Variants in GALNT2 observed in about 807,000 individuals in gnomAD.
The protein encoded by GALNT2 is UDP-GalNAc:polypeptide N-acetylgalactosaminyltransferase 2.
Under a neutral mutation model 81.4 loss-of-function variants are expected in GALNT2, and 31 were observed. That is an observed-to-expected ratio of 0.38 (90% confidence interval 0.29 to 0.51). The LOEUF (loss-of-function observed/expected upper bound fraction) is 0.51. GALNT2 is among the 20% of genes least tolerant of loss of function. The pLI, the probability that GALNT2 is intolerant of heterozygous loss-of-function variation, is 0.87. For missense variants in GALNT2, 629 were observed against 765.7 expected, an observed-to-expected ratio of 0.82 and a Z score of 2.11; for synonymous variants, 303 against 287.4, an observed-to-expected ratio of 1.05 and a Z score of -0.55.
At chr1:230,077,841 C>A (rs1018328148) in intron 1 of GALNT2, among the ~76,000 whole-genome samples, 15 of 152,364 alleles carry the variant, frequency 9.8e-5, no homozygotes, top group Middle Eastern at 3.4e-3. Flanking sequence ...GCCTTTGACT[C>A]TTCTGGGAAT....
intron 15 of GALNT2, among the ~76,000 whole-genome samples, chr1:230,276,604 T>G (rs1666314119): frequency 1.3e-5 from 2 of 152,166 alleles, no homozygotes; most frequent in Admixed American, 1.3e-4. Context: ...GGGCCCTCTT[T>G]CACCTGTCTG....
At position 230,280,860 on chromosome 1, in the gene GALNT2, C is replaced by G. The variant is rs548673225; in HGVS notation, c.*1402C>G. ...CCTTGGGGTCCTGTTAAACCACAGA[C>G]AGTTATGAACTGAAAGTCATAACGG... On this transcript the variant is annotated 3_prime_UTR_variant, in exon 16 of 16. Transcript: ENST00000366672. 5 of 152,398 alleles carry G rather than the reference C, an allele frequency of 3.3e-5. No individual in the cohort carries two copies. Among genetic ancestry groups the G allele is most frequent in the African/African-American group, 9.6e-5 (4 of 41,568 alleles). The allele number at this position is 152,398 out of a possible 1,614,324, so 9.4% of individuals were successfully genotyped here.
At chr1:230,260,356 A>G (rs1340127853) in intron 11 of GALNT2, among the ~76,000 whole-genome samples, 1 of 152,164 alleles carries the variant, frequency 6.6e-6, no homozygotes, top group Non-Finnish European at 1.5e-5. Context: ...AAATGAATAA[A>G]AGGAGCTAGC....
rs191938823 is a variant in GALNT2, at chr1:230,207,465, T to A, written c.374+4175T>A. On this transcript the variant is annotated intron_variant, in intron 3 of 15. Coordinates refer to ENST00000366672, the MANE Select transcript of GALNT2 (RefSeq NM_004481.5). Reference sequence around the variant, plus strand: ...TTATTTACCTTTCTAGATGTATATATTGTACCAAGAAGAAATATTTACATG... The same window carrying A: ...TTATTTACCTTTCTAGATGTATATAATGTACCAAGAAGAAATATTTACATG... 3.2e-4 allele frequency among the ~76,000 whole-genome samples: 48 copies of A among 152,288 alleles called. No individual in the cohort carries two copies. The South Asian group carries it at 3.9e-3, about 12-fold the overall frequency.
intron 1 of GALNT2, among the ~76,000 whole-genome samples, chr1:230,123,704 T>A (rs1030595376): frequency 2.0e-5 from 3 of 152,162 alleles, no homozygotes; most frequent in African/African-American, 7.2e-5. Context: ...AAAGGAAAAA[T>A]ATATATTTTA....
At chr1:230,079,151 GTCCTTT>G (rs1229677821) in intron 1 of GALNT2, among the ~76,000 whole-genome samples, 4 of 152,220 alleles carry the variant, frequency 2.6e-5, no homozygotes, top group African/African-American at 9.6e-5. Context: ...ATATGTGTTA[GTCCTTT>G]TGGTTCTCCC....
chr1:230,169,390 T>C (rs777976451), intron 1 of GALNT2, among the ~76,000 whole-genome samples: 2 of 152,232 alleles, frequency 1.3e-5, no homozygotes, highest in Non-Finnish European at 2.9e-5. Context: ...CCTAAGGTCA[T>C]AGAGATAGAC....
At chr1:230,244,245 C>T (rs1029315081) in intron 7 of GALNT2, among the ~76,000 whole-genome samples, 1 of 151,966 alleles carries the variant, frequency 6.6e-6, no homozygotes, top group African/African-American at 2.4e-5. Context: ...ATTCATTACC[C>T]TTTATCAAGT....
chr1:230,067,503 G>T (rs569295896), intron 1 of GALNT2, 97 bp downstream of exon 1: 4 of 404,524 alleles, frequency 9.9e-6, no homozygotes, highest in African/African-American at 2.3e-5. Context: ...GCGCTCCTCC[G>T]CCCGGACCTC....
At chr1:230,120,055 G>C (rs928004472) in intron 1 of GALNT2, among the ~76,000 whole-genome samples, 1 of 151,848 alleles carries the variant, frequency 6.6e-6, no homozygotes, top group East Asian at 1.9e-4. Flanking sequence ...GGCTCAGGGC[G>C]GCCTGCTTTC....
upstream of GALNT2, among the ~76,000 whole-genome samples, chr1:230,063,326 T>A (rs931334816): frequency 3.4e-4 from 52 of 150,826 alleles, no homozygotes; most frequent in African/African-American, 1.0e-3. Flanking sequence ...AAAAAAAAAA[T>A]TTTATATAAT....
intron 2 of GALNT2, among the ~76,000 whole-genome samples, chr1:230,180,217 C>G (rs918969825): frequency 6.6e-6 from 1 of 151,414 alleles, no homozygotes; most frequent in Non-Finnish European, 1.5e-5. Flanking sequence ...CACGCCTGGC[C>G]TACTTTGGTG....
At chr1:230,245,933 G>A in intron 7 of GALNT2, 130 bp from the exon 8 acceptor site, 1 of 738,368 alleles carries the variant, frequency 1.4e-6, no homozygotes, top group East Asian at 2.5e-5. Context: ...GTTCTTGAGG[G>A]CCTAGGGTAG....
At chr1:230,124,780 G>A (rs989558787) in intron 1 of GALNT2, among the ~76,000 whole-genome samples, 1 of 152,170 alleles carries the variant, frequency 6.6e-6, no homozygotes, top group African/African-American at 2.4e-5. Context: ...GGGACCTGCC[G>A]TGATGGTCCC....
chr1:230,143,963 A>T (rs1572014757), intron 1 of GALNT2, among the ~76,000 whole-genome samples: 3 of 152,284 alleles, frequency 2.0e-5, no homozygotes, highest in African/African-American at 7.2e-5. Flanking sequence ...CTTTCAAAAT[A>T]GCACTCTTTT....
At chr1:230,140,469 AG>A (rs1661695345) in intron 1 of GALNT2, among the ~76,000 whole-genome samples, 1 of 152,132 alleles carries the variant, frequency 6.6e-6, no homozygotes, top group Admixed American at 6.5e-5. Flanking sequence ...TGTCCTACTG[AG>A]GGGATGGGAG....
intron 10 of GALNT2, among the ~76,000 whole-genome samples, chr1:230,252,843 C>CTTTTTTTTT (rs58544942): frequency 0.025 from 1,938 of 78,846 alleles, 241 homozygotes; most frequent in Non-Finnish European, 0.03. Context: ...GAGACAACTT[C>CTTTTTTTTT]TTTTTTTTTT....
intron 1 of GALNT2, among the ~76,000 whole-genome samples, chr1:230,152,093 C>A (rs1335292173): frequency 6.6e-6 from 1 of 152,104 alleles, no homozygotes; most frequent in African/African-American, 2.4e-5. Flanking sequence ...TCTTTATGAC[C>A]TTATTTTGTG....
intron 14 of GALNT2, among the ~76,000 whole-genome samples, chr1:230,266,066 C>T (rs1666029514): frequency 6.6e-6 from 1 of 152,124 alleles, no homozygotes; most frequent in African/African-American, 2.4e-5. Flanking sequence ...TGGTGGCGGG[C>T]ACCTGTAATC....
Sources: allele counts gnomAD v4.1 joint callset (sites outside exome capture counted in the v4.1 genomes callset), GRCh38; gene constraint gnomAD v4.1.1; transcripts MANE v1.5; gene names NCBI Gene and HGNC (gene_info 2026-07-23, HGNC 2026-07-21).